The following PLEKHA2 variants were observed in gnomAD, a reference collection of about 807,000 sequenced individuals.
PLEKHA2 encodes the protein pleckstrin homology domain containing A2.
Under a neutral mutation model 53.2 loss-of-function variants are expected in PLEKHA2, and 28 were observed. The ratio of observed to expected loss-of-function variants is 0.53; its 90% CI spans 0.39 to 0.72. The LOEUF (loss-of-function observed/expected upper bound fraction) is 0.72, where lower values mean the gene tolerates loss of function less well. Among genes scored for constraint, PLEKHA2 ranks in the 30% least tolerant of loss-of-function variants. PLEKHA2 has a pLI of 0.00. For synonymous variants in PLEKHA2, 193 were observed against 196.4 expected (o/e 0.98, Z 0.14); for missense variants, 426 against 537.9 (o/e 0.79, Z 2.06).
At chr8:38,913,465 A>G (rs1303843993) in intron 1 of PLEKHA2, among the ~76,000 whole-genome samples, 1 of 151,908 alleles carries the variant, frequency 6.6e-6, no homozygotes, top group Non-Finnish European at 1.5e-5. Flanking sequence ...TTGCTTAGCG[A>G]TTGAGCCCAG....
At chr8:38,943,111 A>AGAGGAGGG (rs1010180428) in intron 3 of PLEKHA2, among the ~76,000 whole-genome samples, 2 of 152,094 alleles carry the variant, frequency 1.3e-5, no homozygotes, top group Non-Finnish European at 2.9e-5. Flanking sequence ...GGCGGTTGAA[A>AGAGGAGGG]GAGGAGGGGA....
At chr8:38,905,550 CAA>C (rs924709980) in intron 1 of PLEKHA2, among the ~76,000 whole-genome samples, 2 of 151,986 alleles carry the variant, frequency 1.3e-5, no homozygotes, top group Non-Finnish European at 2.9e-5. Context: ...TTCCCTAAAT[CAA>C]GAGACAGAAG....
rs148055885 is a variant in PLEKHA2 at position 38,936,558 on chromosome 8, C to T, written c.198+508C>T. On this transcript the variant is annotated intron_variant, in intron 3 of 11. Transcript: ENST00000617275. ...GGCCCTGAGAAGCCACTCAGATTACCAAGAAGACATTCAGCAGCCAGATAA... is the reference window on the plus strand; with the variant it reads ...GGCCCTGAGAAGCCACTCAGATTACTAAGAAGACATTCAGCAGCCAGATAA... Among the ~76,000 whole-genome samples the T allele has an allele frequency of 2.9e-4, 44 of 152,368 alleles. No individual in the cohort carries two copies. In the East Asian group the frequency reaches 8.3e-3, roughly 29 times the overall value.
At chr8:38,966,151 C>T (rs1835130353) in intron 10 of PLEKHA2, among the ~76,000 whole-genome samples, 1 of 152,136 alleles carries the variant, frequency 6.6e-6, no homozygotes, top group East Asian at 1.9e-4. Context: ...TGCCCTCGTG[C>T]ACCAGGACCT....
intron 10 of PLEKHA2, among the ~76,000 whole-genome samples, chr8:38,962,524 A>C (rs2129424204): frequency 6.6e-6 from 1 of 152,282 alleles, no homozygotes; most frequent in Non-Finnish European, 1.5e-5. Flanking sequence ...CAGGTATCTA[A>C]GCAGGTAGAA....
At chr8:38,928,514 G>A (rs1248511781) in intron 2 of PLEKHA2, among the ~76,000 whole-genome samples, 2 of 152,014 alleles carry the variant, frequency 1.3e-5, no homozygotes, top group Non-Finnish European at 2.9e-5. Context: ...CTCCCAAAGT[G>A]TTGAGATTAC....
At position 38,952,571 on chromosome 8, in the gene PLEKHA2, G is replaced by A. The variant is rs1834865810; in HGVS notation, c.634-65G>A. ...GGCTGGGTCCTTGGGAGCTTAGCAT[G>A]AGTACACCCTCCACAATGCTGGGCA... On this transcript the variant is annotated intron_variant, in intron 7 of 11. Transcript: ENST00000617275. The A allele has an allele frequency of 9.8e-6, 15 of 1,525,854 alleles. No individual in the cohort carries two copies. The South Asian group carries it at 1.4e-4, about 14-fold the overall frequency. 94.5% of individuals were successfully genotyped at this position (1,525,854 alleles called of 1,614,324 possible).
intron 3 of PLEKHA2, among the ~76,000 whole-genome samples, chr8:38,937,431 G>T (rs184222883): frequency 6.6e-6 from 1 of 152,190 alleles, no homozygotes; most frequent in Admixed American, 6.5e-5. Context: ...GAGAGCAGAG[G>T]AGCAGAGAAC....
At chr8:38,905,912 C>T (rs1353089071) in intron 1 of PLEKHA2, among the ~76,000 whole-genome samples, 1 of 152,162 alleles carries the variant, frequency 6.6e-6, no homozygotes, top group African/African-American at 2.4e-5. Flanking sequence ...TCTCCATCTC[C>T]TGACCTCGTG....
chr8:38,942,247 T>C (rs947000206), intron 3 of PLEKHA2, among the ~76,000 whole-genome samples: 3 of 150,662 alleles, frequency 2.0e-5, no homozygotes, highest in East Asian at 1.9e-4. Context: ...AAAAAAAAAA[T>C]GGAAAAATTA....
chr8:38,947,832 T>C (rs938411743), intron 5 of PLEKHA2, among the ~76,000 whole-genome samples: 1 of 152,122 alleles, frequency 6.6e-6, no homozygotes, highest in Non-Finnish European at 1.5e-5. Flanking sequence ...CTCACGCCTG[T>C]AATCCCAGCA....
chr8:38,947,662 C>T (rs889822543), intron 5 of PLEKHA2, among the ~76,000 whole-genome samples: 1 of 152,132 alleles, frequency 6.6e-6, no homozygotes, highest in Non-Finnish European at 1.5e-5. Context: ...TTTGGAAAGG[C>T]TCTGCATGTT....
In PLEKHA2 at chr8:38,956,523, G is replaced by T. The variant is rs1834943494; in HGVS notation, c.774-800G>T. Among the ~76,000 whole-genome samples, 8 of 152,158 alleles carry T rather than the reference G, an allele frequency of 5.3e-5. 1 individual carries two copies. The South Asian group carries it at 1.7e-3, about 32-fold the overall frequency. The stretch of plus-strand genomic sequence containing the variant: ...AGTAATTAAAAGCATAGGCTCACTG[G>T]GTTCAGTGGCTCATACCTGTAATCC... On this transcript the variant is annotated intron_variant, in intron 9 of 11. Coordinates refer to ENST00000617275, the MANE Select transcript of PLEKHA2 (RefSeq NM_021623.2).
intron 1 of PLEKHA2, among the ~76,000 whole-genome samples, chr8:38,913,185 G>A (rs1833980701): frequency 6.6e-6 from 1 of 152,126 alleles, no homozygotes; most frequent in Non-Finnish European, 1.5e-5. Flanking sequence ...CCAACATGGC[G>A]AAAGCCCGTC....
At chr8:38,918,186 G>T (rs1834096080) in intron 2 of PLEKHA2, 116 bp downstream of exon 2, 3 of 1,347,686 alleles carry the variant, frequency 2.2e-6, no homozygotes, top group South Asian at 2.9e-5. Context: ...CTGCTGATCA[G>T]CAGGGAGGGG....
intron 3 of PLEKHA2, among the ~76,000 whole-genome samples, chr8:38,938,543 C>G (rs528360195): frequency 6.6e-6 from 1 of 152,358 alleles, no homozygotes; most frequent in East Asian, 1.9e-4. Flanking sequence ...TGGCCGCTGA[C>G]GAGCTTGCAG....
At chr8:38,948,817 TGATGCTGGGGCACTGGTGGGAAGTCA>T (rs1834766852) in intron 5 of PLEKHA2, among the ~76,000 whole-genome samples, 1 of 152,142 alleles carries the variant, frequency 6.6e-6, no homozygotes, top group Non-Finnish European at 1.5e-5. Flanking sequence ...TGGGGCATTG[TGATGCTGGGGCACTGGTGGGAAGTCA>T]GAGTTTAGTA....
intron 2 of PLEKHA2, among the ~76,000 whole-genome samples, chr8:38,919,641 T>C (rs1184064914): frequency 6.6e-6 from 1 of 152,214 alleles, no homozygotes; most frequent in Middle Eastern, 3.2e-3. Flanking sequence ...CAGGGACTAA[T>C]CATCTAGTGA....
At chr8:38,910,929 A>T (rs996668888) in intron 1 of PLEKHA2, among the ~76,000 whole-genome samples, 2 of 152,238 alleles carry the variant, frequency 1.3e-5, no homozygotes, top group African/African-American at 4.8e-5. Context: ...AATTATGTGG[A>T]TAGGGACATG....
Sources: allele counts gnomAD v4.1 joint callset (sites outside exome capture counted in the v4.1 genomes callset), GRCh38; gene constraint gnomAD v4.1.1; transcripts MANE v1.5; gene names NCBI Gene and HGNC (gene_info 2026-07-23, HGNC 2026-07-21).